Variants in MAP3K5 observed in about 807,000 individuals in gnomAD.
The protein encoded by MAP3K5 is mitogen-activated protein kinase kinase kinase 5, also known as ASK-1.
A neutral mutation model predicts 158.7 loss-of-function variants in MAP3K5; 56 were observed. The observed-to-expected ratio is 0.35, with a 90% CI of 0.28 to 0.44. The LOEUF is 0.44. MAP3K5 is among the 20% of genes least tolerant of loss of function. The pLI is 1.00. For synonymous variants in MAP3K5, 579 were observed against 601.7 expected, an observed-to-expected ratio of 0.96 and a Z score of 0.55; for missense variants, 1,294 against 1,674.8, an observed-to-expected ratio of 0.77 and a Z score of 3.97.
intron 26 of MAP3K5, among the ~76,000 whole-genome samples, chr6:136,566,103 G>T (rs1302291543): frequency 6.6e-6 from 1 of 151,976 alleles, no homozygotes; most frequent in Non-Finnish European, 1.5e-5. Context: ...AGCCCTCAGG[G>T]ACTGCAGATG....
chr6:136,720,178 G>A (rs551699544), intron 2 of MAP3K5, among the ~76,000 whole-genome samples: 336 of 152,204 alleles, frequency 2.2e-3, no homozygotes, highest in Non-Finnish European at 3.6e-3. Context: ...CCTTCTCCAC[G>A]TCGGCGCTAA....
intron 1 of MAP3K5, 140 bp from the exon 2 acceptor site, chr6:136,720,729 T>G: frequency 1.5e-6 from 1 of 669,178 alleles, no homozygotes; most frequent in South Asian, 2.2e-5. Context: ...TATCACTGAA[T>G]TTTGAATTTG....
chr6:136,591,760 G>C (rs1775397040), intron 23 of MAP3K5, among the ~76,000 whole-genome samples: 2 of 152,112 alleles, frequency 1.3e-5, no homozygotes, highest in African/African-American at 4.8e-5. Flanking sequence ...TGTTGTATTT[G>C]CTGATGTTTC....
intron 1 of MAP3K5, among the ~76,000 whole-genome samples, chr6:136,731,763 A>G (rs560054192): frequency 5.1e-4 from 78 of 152,354 alleles, no homozygotes; most frequent in African/African-American, 1.4e-3. Context: ...AGATGAGGAA[A>G]TGGAGGGAAT....
rs199822722 is a variant in MAP3K5 at position 136,567,677 on chromosome 6, G to A, written c.3715C>T (p.Arg1239Trp). ...CTTCCAAGCTGTACATTCAGTGACC[G>A]GTGAGCACTCTGGGAATCATGAGAC... Reference protein sequence around the residue: ...TVSHDSQSAHRSLNVQLGRMK... With the variant: ...TVSHDSQSAHWSLNVQLGRMK... Residue 1239 changes from arginine (R) to tryptophan (W), a missense_variant, in exon 26 of 30, where the codon CGG becomes TGG. Coordinates refer to ENST00000359015, the MANE Select transcript of MAP3K5 (RefSeq NM_005923.4). 9.6e-5 allele frequency: 155 copies of A among 1,613,902 alleles called. 2 individuals are homozygous for A. Among genetic ancestry groups the A allele is most frequent in the South Asian group, 2.6e-4 (24 of 91,078 alleles).
chr6:136,660,473 T>C (rs1274698463), intron 8 of MAP3K5, among the ~76,000 whole-genome samples: 3 of 152,242 alleles, frequency 2.0e-5, no homozygotes, highest in East Asian at 1.9e-4. Context: ...GTTATGTCAC[T>C]GTCTTAAAAG....
At chr6:136,788,699 G>A (rs1339847432) in intron 1 of MAP3K5, among the ~76,000 whole-genome samples, 1 of 152,150 alleles carries the variant, frequency 6.6e-6, no homozygotes, top group African/African-American at 2.4e-5. Flanking sequence ...ACCACAATGA[G>A]ATAACATCTC....
intron 7 of MAP3K5, among the ~76,000 whole-genome samples, chr6:136,690,228 A>G (rs1387456512): frequency 6.6e-6 from 1 of 152,078 alleles, no homozygotes; most frequent in Non-Finnish European, 1.5e-5. Context: ...CTTATACTAA[A>G]TCTCTATGAC....
chr6:136,604,640 G>A (rs1776025567), intron 19 of MAP3K5, among the ~76,000 whole-genome samples: 1 of 152,056 alleles, frequency 6.6e-6, no homozygotes, highest in Admixed American at 6.5e-5. Flanking sequence ...TCTATTATCA[G>A]GTACCTCCTA....
upstream of MAP3K5, among the ~76,000 whole-genome samples, chr6:136,793,016 A>G (rs1785157857): frequency 1.3e-5 from 2 of 151,732 alleles, no homozygotes; most frequent in African/African-American, 4.8e-5. Flanking sequence ...GTCTTCACCC[A>G]CCCGGCCCCC....
At position 136,622,913 on chromosome 6, in the gene MAP3K5, G is replaced by A. The variant is rs1468926320; in HGVS notation, c.2085C>T (p.Tyr695=). 4.7e-6 allele frequency: 6 copies of A among 1,273,212 alleles called. No individual in the cohort carries two copies. The highest frequency in any genetic ancestry group is 3.0e-5 in the East Asian group (1 of 33,176). 78.9% of individuals were successfully genotyped at this position (1,273,212 alleles called of 1,614,324 possible). A position where few individuals can be genotyped will look rare whatever the true frequency, so the allele number is the denominator to read the frequency against. ...CTTGGTTGCTCAAGTCCCGACCTGC[G>A]TAGACTATCCCATAAGTGCCTTTTC... ...VLGKGTYGIV[Y]AGRDLSNQVR... The change falls in exon 15 of 30, where the codon TAC becomes TAT. Residue 695 remains tyrosine (Y), a synonymous_variant. Coordinates refer to ENST00000359015, the MANE Select transcript of MAP3K5 (RefSeq NM_005923.4).
At chr6:136,607,815 CAT>C (rs1206554598) in intron 18 of MAP3K5, among the ~76,000 whole-genome samples, 1 of 152,108 alleles carries the variant, frequency 6.6e-6, no homozygotes, top group African/African-American at 2.4e-5. Context: ...GAGGAGAAAA[CAT>C]ATAGAAATAC....
At chr6:136,588,574 C>T (rs548484349) in intron 23 of MAP3K5, among the ~76,000 whole-genome samples, 1 of 152,272 alleles carries the variant, frequency 6.6e-6, no homozygotes, top group African/African-American at 2.4e-5. Context: ...GTTCAGTTCG[C>T]CACAGCATCC....
intron 1 of MAP3K5, among the ~76,000 whole-genome samples, chr6:136,763,452 G>T (rs989962988): frequency 1.8e-4 from 27 of 152,198 alleles, no homozygotes; most frequent in African/African-American, 6.3e-4. Flanking sequence ...TCTTCTGACT[G>T]GTTAGCAAAA....
At chr6:136,739,481 A>G (rs1485218576) in intron 1 of MAP3K5, among the ~76,000 whole-genome samples, 3 of 152,222 alleles carry the variant, frequency 2.0e-5, no homozygotes, top group South Asian at 2.1e-4. Context: ...ACCCCAGGGT[A>G]CTGTCAATCA....
chr6:136,764,131 A>G (rs1313144740), intron 1 of MAP3K5, among the ~76,000 whole-genome samples: 4 of 152,206 alleles, frequency 2.6e-5, no homozygotes, highest in African/African-American at 9.7e-5. Flanking sequence ...GCACACCCAG[A>G]TGACATATGC....
chr6:136,679,649 A>G (rs1779848993), intron 7 of MAP3K5, among the ~76,000 whole-genome samples: 1 of 152,224 alleles, frequency 6.6e-6, no homozygotes, highest in Non-Finnish European at 1.5e-5. Context: ...CCCAAGTTCT[A>G]ACTGTGTTTT....
At position 136,698,491 on chromosome 6, in the gene MAP3K5, A is replaced by G. The variant is rs1290164156; in HGVS notation, c.804T>C (p.Ser268=). The change falls in exon 4 of 30, where the codon TCT becomes TCC. Residue 268 remains serine (S), a splice_region_variant and synonymous_variant. Transcript: ENST00000359015. Reference sequence around the variant, plus strand: ...TGGCATTATTAATTAAACTTTACCTAGAACTTGCTTGTGCCACCTTCAAAA... The same window carrying G: ...TGGCATTATTAATTAAACTTTACCTGGAACTTGCTTGTGCCACCTTCAAAA... ...IQLLKVAQAS[S]SQYFRESILN... is the part of the protein sequence containing the mutation. The G allele has an allele frequency of 6.2e-7, 1 of 1,612,918 alleles. No individual in the cohort carries two copies. The highest frequency in any genetic ancestry group is 1.7e-4 in the Middle Eastern group (1 of 6,050).
intron 15 of MAP3K5, among the ~76,000 whole-genome samples, chr6:136,614,890 C>T (rs372669977): frequency 1.3e-3 from 192 of 152,236 alleles, no homozygotes; most frequent in Middle Eastern, 3.4e-3. Flanking sequence ...GAGCCCCTTG[C>T]GTCAAAATCT....
Sources: gnomAD v4.1 joint callset for allele counts (sites outside exome capture counted in the v4.1 genomes callset) on GRCh38, gnomAD v4.1.1 for gene constraint, MANE v1.5 for transcripts, NCBI Gene and HGNC (gene_info 2026-07-23, HGNC 2026-07-21) for gene names.